Variants in DCUN1D4 observed in about 807,000 individuals in gnomAD.
DCUN1D4 encodes DCN1-like protein 4.
DCUN1D4 carries 22 observed loss-of-function variants against 47.9 expected under a neutral mutation model. That is an observed-to-expected ratio of 0.46 (90% CI 0.33 to 0.66). The LOEUF (loss-of-function observed/expected upper bound fraction) is 0.66. Among genes scored for constraint, DCUN1D4 ranks in the 30% least tolerant of loss-of-function variants. DCUN1D4 has a pLI of 0.02. For missense variants in DCUN1D4, 301 were observed against 340.8 expected, an observed-to-expected ratio of 0.88 and a Z score of 0.92; for synonymous variants, 121 against 112.2, an observed-to-expected ratio of 1.08 and a Z score of -0.50.
At chr4:51,877,678 G>A (rs1714160794) in intron 4 of DCUN1D4, 85 bp from the exon 5 acceptor site, 2 of 816,406 alleles carry the variant, frequency 2.4e-6, no homozygotes, top group Non-Finnish European at 2.0e-6. Flanking sequence ...TAGATGTCTG[G>A]TTTGGGTAAA....
At chr4:51,886,005 A>G (rs1358189900) in intron 5 of DCUN1D4, among the ~76,000 whole-genome samples, 1 of 152,194 alleles carries the variant, frequency 6.6e-6, no homozygotes, top group Non-Finnish European at 1.5e-5. Context: ...GAAGAAACCA[A>G]ATTCCAATGG....
rs553842942 is a variant in DCUN1D4, at chr4:51,854,302, C to T, written c.26-9135C>T. ...TTGACATAGATTTTACTTTATGGTA[C>T]ATTTTATATTTCAGGTTATTTGAGA... On this transcript the variant is annotated intron_variant, in intron 1 of 10. Transcript: ENST00000334635. Among the ~76,000 whole-genome samples the T allele has an allele frequency of 3.4e-4, 52 of 152,252 alleles. No homozygotes were observed. The South Asian group carries it at 3.7e-3, about 11-fold the overall frequency.
At chr4:51,880,972 C>CA (rs1280923656) in intron 5 of DCUN1D4, among the ~76,000 whole-genome samples, 2 of 151,918 alleles carry the variant, frequency 1.3e-5, no homozygotes, top group African/African-American at 4.8e-5. Context: ...AATAAAAATA[C>CA]AAAAAATTAG....
chr4:51,854,936 A>G (rs1274657886), intron 1 of DCUN1D4, among the ~76,000 whole-genome samples: 1 of 152,204 alleles, frequency 6.6e-6, no homozygotes, highest in African/African-American at 2.4e-5. Flanking sequence ...AGGAATGTTC[A>G]GCTGGTGAGT....
intron 8 of DCUN1D4, chr4:51,905,431 G>C (rs976317775): frequency 5.7e-6 from 1 of 175,176 alleles, no homozygotes; most frequent in East Asian, 1.4e-4. Flanking sequence ...AACATGATCA[G>C]TTCTCTTCTA....
intron 9 of DCUN1D4, among the ~76,000 whole-genome samples, chr4:51,912,847 G>T (rs1193455321): frequency 6.6e-6 from 1 of 152,186 alleles, no homozygotes; most frequent in Non-Finnish European, 1.5e-5. Context: ...GGCAGTGCTG[G>T]TTATGTCAGG....
upstream of DCUN1D4, among the ~76,000 whole-genome samples, chr4:51,839,190 G>GGAAC (rs1721569559): frequency 7.4e-6 from 1 of 135,286 alleles, no homozygotes; most frequent in Admixed American, 8.0e-5. Flanking sequence ...GAAAGGAGAA[G>GGAAC]GAAGGAAGGA....
At chr4:51,890,785 C>A (rs566762513) in intron 6 of DCUN1D4, among the ~76,000 whole-genome samples, 3 of 152,312 alleles carry the variant, frequency 2.0e-5, no homozygotes, top group African/African-American at 7.2e-5. Context: ...GCTGGGTGCA[C>A]CTTTGAAATG....
At chr4:51,908,148 T>G (rs1733178089) in intron 8 of DCUN1D4, among the ~76,000 whole-genome samples, 1 of 152,234 alleles carries the variant, frequency 6.6e-6, no homozygotes, top group Non-Finnish European at 1.5e-5. Context: ...TAACTTCTAT[T>G]TTTAATCTGC....
chr4:51,836,586 G>C, the DCUN1D4 span, among the ~76,000 whole-genome samples: 5 of 152,136 alleles, frequency 3.3e-5, no homozygotes, highest in African/African-American at 1.2e-4. Context: ...GGGCAGAACG[G>C]GGTGGCTGAG....
chr4:51,873,454 C>T (rs1727209435), intron 3 of DCUN1D4, among the ~76,000 whole-genome samples: 1 of 152,142 alleles, frequency 6.6e-6, no homozygotes, highest in African/African-American at 2.4e-5. Context: ...GCAAGACTGC[C>T]CAGATTCGAA....
upstream of DCUN1D4, chr4:51,843,033 C>T (rs2109766477): frequency 1.5e-6 from 2 of 1,361,432 alleles, no homozygotes; most frequent in South Asian, 3.4e-5. Flanking sequence ...CAGCTCCAGA[C>T]CGGCGCTATG....
At chr4:51,910,969 G>T in intron 8 of DCUN1D4, 101 bp from the exon 9 acceptor site, 1 of 1,152,406 alleles carries the variant, frequency 8.7e-7, no homozygotes, top group Admixed American at 1.7e-5. Flanking sequence ...TGATAAATGA[G>T]CTGTTTACTA....
intron 1 of DCUN1D4, among the ~76,000 whole-genome samples, chr4:51,853,094 G>T (rs994289090): frequency 6.6e-6 from 1 of 152,156 alleles, no homozygotes; most frequent in African/African-American, 2.4e-5. Flanking sequence ...CAGCCAGACG[G>T]GTGTCCTGAA....
rs968151536 is a variant in DCUN1D4 at position 51,913,667 on chromosome 4, G to A, written c.*83G>A. 1.2e-5 allele frequency: 15 copies of A among 1,251,152 alleles called. No homozygotes were observed. Among genetic ancestry groups the A allele is most frequent in the African/African-American group, 4.4e-5 (3 of 67,562 alleles). 77.5% of individuals were successfully genotyped at this position (1,251,152 alleles called of 1,614,324 possible). ...CATAAATTGCTGTTTGTATCAAAGC[G>A]CATGCTGCTTCTCTTGCACTGTTTC... is the stretch of plus-strand genomic sequence containing the variant. On this transcript the variant is annotated 3_prime_UTR_variant, in exon 11 of 11. Coordinates refer to ENST00000334635, the MANE Select transcript of DCUN1D4 (RefSeq NM_001040402.3).
chr4:51,869,830 AG>A lies in DCUN1D4; in HGVS notation c.137-4440del, dbSNP rs1298041808. ...TATTTCTGATTAATGTGGGAAGAAA[AG>A]CTCTATTCATTGACTGATTTATTTG... On this transcript the variant is annotated intron_variant, in intron 3 of 10. Coordinates refer to ENST00000334635, the MANE Select transcript of DCUN1D4 (RefSeq NM_001040402.3). Among the ~76,000 whole-genome samples, 10 of 152,336 alleles carry A rather than the reference AG, an allele frequency of 6.6e-5. No homozygotes were observed. In the East Asian group the frequency reaches 1.3e-3, roughly 21 times the overall value.
chr4:51,853,518 C>T (rs932063961), intron 1 of DCUN1D4, among the ~76,000 whole-genome samples: 1 of 152,134 alleles, frequency 6.6e-6, no homozygotes, highest in African/African-American at 2.4e-5. Context: ...GAGTTAGATT[C>T]CTGTCTAGCA....
chr4:51,898,041 C>T (rs778518131), intron 7 of DCUN1D4, among the ~76,000 whole-genome samples: 2 of 152,184 alleles, frequency 1.3e-5, no homozygotes, highest in Non-Finnish European at 2.9e-5. Context: ...GATGCTATAA[C>T]CATTGTGTGT....
intron 8 of DCUN1D4, among the ~76,000 whole-genome samples, chr4:51,902,246 T>A (rs542421858): frequency 2.6e-5 from 4 of 152,370 alleles, no homozygotes; most frequent in Non-Finnish European, 5.9e-5. Flanking sequence ...AATATTCTGC[T>A]GTTGTCAGTG....
Sources: allele counts gnomAD v4.1 joint callset (sites outside exome capture counted in the v4.1 genomes callset), GRCh38; gene constraint gnomAD v4.1.1; transcripts MANE v1.5; gene names NCBI Gene and HGNC (gene_info 2026-07-23, HGNC 2026-07-21).